Variants in ARFGEF1 observed in about 807,000 individuals in gnomAD.
ARFGEF1 encodes the protein ARF guanine nucleotide exchange factor 1.
A neutral mutation model predicts 231.0 loss-of-function variants in ARFGEF1; 42 were observed. That is an observed-to-expected ratio of 0.18 (90% CI 0.14 to 0.24). The LOEUF (loss-of-function observed/expected upper bound fraction) is 0.24. Ranked by LOEUF, ARFGEF1 falls within the 10% of genes least tolerant of loss-of-function variation. The probability of loss-of-function intolerance (pLI) is 1.00; values close to 1 mark genes in which losing one functional copy is unlikely to be tolerated. For missense variants in ARFGEF1, 1,345 were observed against 2,192.0 expected, an observed-to-expected ratio of 0.61 and a Z score of 7.72; for synonymous variants, 710 against 732.3, an observed-to-expected ratio of 0.97 and a Z score of 0.49.
intron 14 of ARFGEF1, 105 bp downstream of exon 14, chr8:67,265,901 T>C (rs1346419769): frequency 3.0e-6 from 3 of 1,001,356 alleles, no homozygotes; most frequent in African/African-American, 3.2e-5. Context: ...CCATGAGAAC[T>C]ATCCTCCATT....
intron 1 of ARFGEF1, among the ~76,000 whole-genome samples, chr8:67,304,598 A>G (rs1806650661): frequency 6.6e-6 from 1 of 152,222 alleles, no homozygotes; most frequent in Non-Finnish European, 1.5e-5. Context: ...AAGCCGAGGC[A>G]CATCGATCAC....
At chr8:67,179,812 T>C in intron 5 of ARFGEF1, 1 of 1,310,752 alleles carries the variant, frequency 7.6e-7, no homozygotes, top group Non-Finnish European at 1.1e-6. Context: ...AAATTTGTTG[T>C]TTTTGTACAC....
intron 1 of ARFGEF1, among the ~76,000 whole-genome samples, chr8:67,326,490 T>G (rs1040145658): frequency 2.6e-5 from 4 of 152,304 alleles, no homozygotes; most frequent in Admixed American, 2.0e-4. Flanking sequence ...TACATGAAAA[T>G]GAGATCTGAA....
intron 5 of ARFGEF1, among the ~76,000 whole-genome samples, chr8:67,184,800 T>C (rs908272297): frequency 6.8e-6 from 1 of 146,530 alleles, no homozygotes; most frequent in African/African-American, 2.6e-5. Flanking sequence ...ACAGGTCCCA[T>C]GAACGTTAAA....
At chr8:67,276,889 C>T (rs6993324) in intron 8 of ARFGEF1, among the ~76,000 whole-genome samples, 50,163 of 151,950 alleles carry the variant, frequency 0.33, 8,588 homozygotes, top group African/African-American at 0.41. Context: ...TGTATGACCT[C>T]TGAGCGTCAT....
At chr8:67,314,044 G>T (rs1466966490) in intron 1 of ARFGEF1, among the ~76,000 whole-genome samples, 2 of 152,042 alleles carry the variant, frequency 1.3e-5, no homozygotes, top group African/African-American at 2.4e-5. Context: ...TCAGCGAAGT[G>T]GGGGAAAGCC....
intron 7 of ARFGEF1, among the ~76,000 whole-genome samples, chr8:67,281,283 TGAA>T (rs1418762955): frequency 1.3e-5 from 2 of 151,860 alleles, no homozygotes; most frequent in South Asian, 2.1e-4. Context: ...ACAGAAAGGA[TGAA>T]GAAGAATTAA....
chr8:67,260,024 ATAG>A (rs1210510687), intron 14 of ARFGEF1, 98 bp from the exon 15 acceptor site: 15 of 672,514 alleles, frequency 2.2e-5, no homozygotes, highest in Non-Finnish European at 3.5e-5. Flanking sequence ...CACCCAGAAA[ATAG>A]TAGCTTATTT....
Position 67,204,638 on chromosome 8 carries a change from C to G in ARFGEF1, c.4959+42G>C, listed in dbSNP as rs779453710. 5 of 1,585,906 alleles carry G rather than the reference C, an allele frequency of 3.2e-6. No homozygotes were observed. The South Asian group carries it at 5.8e-5, about 18-fold the overall frequency. The stretch of plus-strand genomic sequence containing the variant: ...CAGCCCAGACTGCTATACCTAACTT[C>G]CTACTTACACAAAAAAAGCAGCTGT... On this transcript the variant is annotated intron_variant, in intron 35 of 38. Transcript: ENST00000262215.
chr8:67,270,949 A>G (rs1401416679), intron 10 of ARFGEF1, among the ~76,000 whole-genome samples: 1 of 148,284 alleles, frequency 6.7e-6, no homozygotes, highest in Non-Finnish European at 1.5e-5. Flanking sequence ...GCTTGAACCC[A>G]GCAGGCGGAG....
chr8:67,311,245 T>G (rs1193210190), intron 1 of ARFGEF1, among the ~76,000 whole-genome samples: 15 of 86,250 alleles, frequency 1.7e-4, no homozygotes, highest in African/African-American at 1.4e-4. Flanking sequence ...GGTGGGGAGG[T>G]CAGCCCCCCG....
At chr8:67,333,021 T>C (rs1238254846) in intron 1 of ARFGEF1, among the ~76,000 whole-genome samples, 4 of 151,678 alleles carry the variant, frequency 2.6e-5, no homozygotes, top group Non-Finnish European at 4.4e-5. Flanking sequence ...CCTCCTATTA[T>C]TGCCTTAAAA....
intron 9 of ARFGEF1, among the ~76,000 whole-genome samples, chr8:67,273,419 CAAAAAAAAAAAAA>C (rs58580002): frequency 8.8e-5 from 5 of 56,610 alleles, no homozygotes; most frequent in East Asian, 1.2e-3. Flanking sequence ...TTTTTTTTCC[CAAAAAAAAAAAAA>C]AAAAAAAAAA....
At chr8:67,339,874 T>C (rs565781273) in intron 1 of ARFGEF1, among the ~76,000 whole-genome samples, 5 of 141,170 alleles carry the variant, frequency 3.5e-5, no homozygotes, top group Non-Finnish European at 7.6e-5. Context: ...AAAAACGTTT[T>C]ACATTAACTC....
rs144038889 is a variant in ARFGEF1, at chr8:67,270,509, A to G, written c.1572+1193T>C. ...AAATATAAAATTAACAAAAATTAAA[A>G]TATAACCTGTATATCAAACATAATA... On this transcript the variant is annotated intron_variant, in intron 10 of 38. Transcript: ENST00000262215. Among the ~76,000 whole-genome samples, 507 of 152,276 alleles carry G rather than the reference A, an allele frequency of 3.3e-3. 6 individuals are homozygous for G. The highest frequency in any genetic ancestry group is 0.011 in the African/African-American group (449 of 41,582).
chr8:67,304,175 G>C (rs1223975595), intron 1 of ARFGEF1, among the ~76,000 whole-genome samples: 1 of 152,190 alleles, frequency 6.6e-6, no homozygotes, highest in African/African-American at 2.4e-5. Context: ...TCACGTACCA[G>C]ATACTGTATT....
At chr8:67,313,030 A>G (rs1024047878) in intron 1 of ARFGEF1, among the ~76,000 whole-genome samples, 3 of 152,232 alleles carry the variant, frequency 2.0e-5, no homozygotes, top group African/African-American at 7.2e-5. Context: ...ACAGAAAGCA[A>G]AAGTAAAGTA....
At chr8:67,291,067 G>C (rs1051901053) in intron 6 of ARFGEF1, among the ~76,000 whole-genome samples, 1 of 151,926 alleles carries the variant, frequency 6.6e-6, no homozygotes, top group Admixed American at 6.6e-5. Flanking sequence ...TAACATGCTA[G>C]TTCTAGACAA....
chr8:67,266,374 AAC>A (rs1460139422), intron 13 of ARFGEF1, among the ~76,000 whole-genome samples, 167 bp from the exon 14 acceptor site: 1 of 152,210 alleles, frequency 6.6e-6, no homozygotes, highest in African/African-American at 2.4e-5. Context: ...TTGATATTAA[AAC>A]ACACTGTAAT....
Sources: gnomAD v4.1 joint callset for allele counts (sites outside exome capture counted in the v4.1 genomes callset) on GRCh38, gnomAD v4.1.1 for gene constraint, MANE v1.5 for transcripts, NCBI Gene and HGNC (gene_info 2026-07-23, HGNC 2026-07-21) for gene names.